The following USP24 variants were observed in gnomAD, a reference collection of about 807,000 sequenced individuals.
USP24 encodes the protein ubiquitin carboxyl-terminal hydrolase 24.
A neutral mutation model predicts 361.6 loss-of-function variants in USP24; 97 were observed. That is an observed-to-expected ratio of 0.27 (90% CI 0.23 to 0.32). USP24 has a LOEUF of 0.32. Among genes scored for constraint, USP24 ranks in the 10% least tolerant of loss-of-function variants. The pLI is 1.00. For missense variants in USP24, 2,353 were observed against 3,165.6 expected (o/e 0.74, Z 6.16); for synonymous variants, 1,098 against 1,124.6 (o/e 0.98, Z 0.47).
intron 4 of USP24, among the ~76,000 whole-genome samples, chr1:55,172,058 G>A (rs773559549): frequency 6.6e-6 from 1 of 151,998 alleles, no homozygotes; most frequent in East Asian, 1.9e-4. Flanking sequence ...ACCTGTTGGG[G>A]GAAAAGGCCA....
At chr1:55,159,493 G>T in intron 9 of USP24, 118 bp downstream of exon 9, 1 of 806,330 alleles carries the variant, frequency 1.2e-6, no homozygotes, top group Non-Finnish European at 2.0e-6. Flanking sequence ...AAGTTAATTC[G>T]ATGTGAATGC....
intron 8 of USP24, among the ~76,000 whole-genome samples, chr1:55,161,117 T>C (rs1339964126): frequency 1.3e-5 from 2 of 152,156 alleles, no homozygotes; most frequent in African/African-American, 2.4e-5. Flanking sequence ...CTCATGCCTG[T>C]AATCCCAGCA....
rs372918085 is a variant in USP24, at chr1:55,117,556, G to A, written c.4508+3040C>T. On this transcript the variant is annotated intron_variant, in intron 38 of 67. Transcript: ENST00000294383. ...ATCCTGGCTAACAAGGTGAAACCCC[G>A]TCTCTACTAAAAATACAAAAAATTA... 6.3e-3 allele frequency among the ~76,000 whole-genome samples: 953 copies of A among 150,176 alleles called. 29 individuals are homozygous for A. Among genetic ancestry groups the A allele is most frequent in the East Asian group, 0.033 (166 of 5,092 alleles).
At chr1:55,193,679 C>T (rs537597990) in intron 1 of USP24, among the ~76,000 whole-genome samples, 7 of 152,230 alleles carry the variant, frequency 4.6e-5, no homozygotes, top group African/African-American at 9.6e-5. Context: ...AGAACTAATA[C>T]GTCTACTGAG....
At chr1:55,176,909 G>A (rs917693964) in intron 2 of USP24, among the ~76,000 whole-genome samples, 2 of 151,792 alleles carry the variant, frequency 1.3e-5, no homozygotes, top group Non-Finnish European at 2.9e-5. Context: ...CAGCCTGGGC[G>A]ACACAGTGAA....
chr1:55,122,324 TG>T (rs1300896952), intron 36 of USP24, among the ~76,000 whole-genome samples: 2 of 151,998 alleles, frequency 1.3e-5, no homozygotes, highest in Admixed American at 1.3e-4. Context: ...TGCTGGCTGC[TG>T]GGGGAACAGC....
At chr1:55,155,866 C>T (rs1243428392) in intron 12 of USP24, among the ~76,000 whole-genome samples, 2 of 152,164 alleles carry the variant, frequency 1.3e-5, no homozygotes, top group Admixed American at 1.3e-4. Context: ...AGTTCCAGCA[C>T]TTAAAGTAAA....
intron 15 of USP24, 80 bp downstream of exon 15, chr1:55,154,039 G>T: frequency 6.3e-7 from 1 of 1,594,422 alleles, no homozygotes; most frequent in Non-Finnish European, 8.6e-7. Flanking sequence ...TACATAACAG[G>T]GGAGGAAAAT....
At chr1:55,072,285 T>C (rs373247329) in intron 66 of USP24, 32 bp downstream of exon 66, 15 of 1,595,442 alleles carry the variant, frequency 9.4e-6, no homozygotes, top group Non-Finnish European at 5.1e-6. Context: ...ATAAGTGATT[T>C]AGACCACGCA....
chr1:55,112,608 T>C (rs947743033), intron 38 of USP24, among the ~76,000 whole-genome samples: 2 of 152,232 alleles, frequency 1.3e-5, no homozygotes, highest in Non-Finnish European at 2.9e-5. Context: ...TAATCCTGAG[T>C]TCTAATTTGA....
At chr1:55,153,836 T>C (rs1256686517) in intron 16 of USP24, 34 bp downstream of exon 16, 1 of 1,533,512 alleles carries the variant, frequency 6.5e-7, no homozygotes. Flanking sequence ...TAAACTAGTA[T>C]ACCTTTTAGT....
At chr1:55,145,337 G>A (rs747922273) in intron 20 of USP24, among the ~76,000 whole-genome samples, 2 of 152,286 alleles carry the variant, frequency 1.3e-5, no homozygotes, top group African/African-American at 2.4e-5. Context: ...AAAAAGGAAC[G>A]AAGTACTGAT....
At chr1:55,177,103 A>G (rs1350485966) in intron 2 of USP24, among the ~76,000 whole-genome samples, 1 of 151,516 alleles carries the variant, frequency 6.6e-6, no homozygotes, top group Non-Finnish European at 1.5e-5. Flanking sequence ...CCAAAAAAAA[A>G]AAAACAACAA....
chr1:55,214,169 C>G (rs553976964), intron 1 of USP24, among the ~76,000 whole-genome samples: 46 of 151,918 alleles, frequency 3.0e-4, no homozygotes, highest in Non-Finnish European at 5.7e-4. Flanking sequence ...GGCCGCGGCC[C>G]CTTCCCTCTT....
chr1:55,089,510 T>C (rs960246782), intron 55 of USP24, 117 bp downstream of exon 55: 14 of 711,652 alleles, frequency 2.0e-5, no homozygotes, highest in Non-Finnish European at 3.0e-5. Flanking sequence ...GAGTTTAAAA[T>C]AGACTTTAAG....
In USP24 at chr1:55,137,618, T is replaced by C. The variant is rs1479668580; in HGVS notation, c.3098A>G (p.Lys1033Arg). The change falls in exon 28 of 68, where the codon AAG (lysine) becomes AGG (arginine). Residue 1033 changes from lysine (K) to arginine (R), a missense_variant. Physicochemically the swap from Lys to Arg is conservative, Grantham distance 26. Coordinates refer to ENST00000294383, the MANE Select transcript of USP24 (RefSeq NM_015306.3). ...GFSDEQILTV[K>R]TSGSGTPSGS... ...AGATGGGGTCCCACTGCCAGAAGTC[T>C]TCACTGTAAGGATTTGTTCATCAGA... is the stretch of plus-strand genomic sequence containing the variant. The C allele has an allele frequency of 6.2e-7, 1 of 1,613,396 alleles. No homozygotes were observed. Among genetic ancestry groups the C allele is most frequent in the Admixed American group, 1.7e-5 (1 of 59,898 alleles).
intron 41 of USP24, among the ~76,000 whole-genome samples, chr1:55,105,729 G>A (rs2100527148): frequency 6.6e-6 from 1 of 152,258 alleles, no homozygotes; most frequent in Non-Finnish European, 1.5e-5. Flanking sequence ...ACAAGCAGTT[G>A]CAGTTAACAG....
Position 55,159,045 on chromosome 1 carries a change from G to A in USP24, c.1069-9C>T. 1 of 1,460,574 alleles carries A rather than the reference G, an allele frequency of 6.8e-7. No homozygotes were observed. The allele number at this position is 1,460,574 out of a possible 1,614,324, so 90.5% of individuals were successfully genotyped here. Reference sequence around the variant, plus strand: ...GGGATGCTAACCAATCTCTTTTATTGAATAAAAACAAAAAAACAAAAAAGG... The same window carrying A: ...GGGATGCTAACCAATCTCTTTTATTAAATAAAAACAAAAAAACAAAAAAGG... On this transcript the variant is annotated splice_polypyrimidine_tract_variant and intron_variant, in intron 9 of 67. Transcript: ENST00000294383.
intron 1 of USP24, among the ~76,000 whole-genome samples, chr1:55,180,527 C>T (rs1426783648): frequency 1.3e-5 from 2 of 152,178 alleles, no homozygotes. Context: ...AGCTGAGGTT[C>T]TCAGTATCAT....
Sources: gnomAD v4.1 joint callset for allele counts (sites outside exome capture counted in the v4.1 genomes callset) on GRCh38, gnomAD v4.1.1 for gene constraint, MANE v1.5 for transcripts, NCBI Gene and HGNC (gene_info 2026-07-23, HGNC 2026-07-21) for gene names.